ESR1: variants seen among roughly 807,000 people sequenced by gnomAD.
ESR1 encodes estrogen receptor 1, also known as estrogen receptor.
A neutral mutation model predicts 52.7 loss-of-function variants in ESR1; 12 were observed. The ratio of observed to expected loss-of-function variants is 0.23; its 90% confidence interval spans 0.15 to 0.37. ESR1 has a LOEUF of 0.37. ESR1 is among the 10% of genes least tolerant of loss of function. ESR1 has a pLI of 1.00. For synonymous variants in ESR1, 305 were observed against 316.8 expected (o/e 0.96, Z 0.39); for missense variants, 584 against 779.7 (o/e 0.75, Z 2.99).
At chr6:151,863,644 C>T (rs1424662208) in intron 2 of ESR1, among the ~76,000 whole-genome samples, 1 of 152,120 alleles carries the variant, frequency 6.6e-6, no homozygotes, top group Non-Finnish European at 1.5e-5. Context: ...TTTCTTTCTC[C>T]TGCCTAATTG....
At chr6:152,077,026 G>A (rs2048790835) in intron 6 of ESR1, among the ~76,000 whole-genome samples, 1 of 152,156 alleles carries the variant, frequency 6.6e-6, no homozygotes, top group South Asian at 2.1e-4. Flanking sequence ...CCAAGACAAT[G>A]GGGAAAATGT....
intron 3 of ESR1, among the ~76,000 whole-genome samples, chr6:151,899,697 A>C (rs1251489248): frequency 6.7e-6 from 1 of 149,810 alleles, no homozygotes; most frequent in African/African-American, 2.5e-5. Context: ...GTTGCCAGGC[A>C]GAGGGTCTCC....
Position 151,840,049 on chromosome 6 carries a change from G to A in ESR1, c.453-2548G>A, listed in dbSNP as rs9340790. 1.2e-4 allele frequency among the ~76,000 whole-genome samples: 19 copies of A among 152,246 alleles called. No homozygotes were observed. The East Asian group carries it at 2.9e-3, about 23-fold the overall frequency. On this transcript the variant is annotated intron_variant, in intron 1 of 7. Coordinates refer to ENST00000206249, the MANE Select transcript of ESR1 (RefSeq NM_000125.4). ...GACACATTGGAACTTCTGGCCATGC[G>A]TATACTGTTCACTCACTTATTCCTT... is the stretch of plus-strand genomic sequence containing the variant.
chr6:152,116,280 C>A (rs958608713), intron 6 of ESR1, among the ~76,000 whole-genome samples: 1 of 152,158 alleles, frequency 6.6e-6, no homozygotes, highest in Non-Finnish European at 1.5e-5. Flanking sequence ...TGCATATACA[C>A]GCAAGAGTGT....
chr6:151,796,678 A>T (rs925411462), intron 2 of ESR1, among the ~76,000 whole-genome samples: 2 of 152,238 alleles, frequency 1.3e-5, no homozygotes, highest in East Asian at 3.8e-4. Flanking sequence ...AACCACAATT[A>T]GTTTTGCACC....
At chr6:151,849,805 G>C (rs1785956223) in intron 2 of ESR1, among the ~76,000 whole-genome samples, 2 of 150,930 alleles carry the variant, frequency 1.3e-5, no homozygotes, top group African/African-American at 4.9e-5. Flanking sequence ...CCAGAAATGT[G>C]AAACAGTATT....
At chr6:151,865,266 A>G (rs1008108345) in intron 2 of ESR1, among the ~76,000 whole-genome samples, 5 of 152,176 alleles carry the variant, frequency 3.3e-5, no homozygotes, top group Admixed American at 1.3e-4. Context: ...AATAATGTGT[A>G]TTGGAGATCT....
intron 1 of ESR1, among the ~76,000 whole-genome samples, chr6:151,829,983 C>T (rs1398888758): frequency 1.3e-5 from 2 of 152,122 alleles, no homozygotes; most frequent in Non-Finnish European, 2.9e-5. Flanking sequence ...TAAAAATTTC[C>T]ATTTGCAATT....
intron 1 of ESR1, among the ~76,000 whole-genome samples, chr6:151,824,198 T>G (rs1275445850): frequency 6.6e-6 from 1 of 152,214 alleles, no homozygotes; most frequent in Non-Finnish European, 1.5e-5. Flanking sequence ...ATTGTGGTTT[T>G]GATTTGCATT....
intron 2 of ESR1, among the ~76,000 whole-genome samples, chr6:151,754,047 C>T (rs949137638): frequency 1.2e-4 from 19 of 152,122 alleles, no homozygotes; most frequent in Admixed American, 1.2e-3. Context: ...ATCAGAGATG[C>T]TCCCACAAAC....
chr6:152,088,657 T>C (rs1321528371), intron 6 of ESR1, among the ~76,000 whole-genome samples: 1 of 152,186 alleles, frequency 6.6e-6, no homozygotes, highest in East Asian at 1.9e-4. Flanking sequence ...CTCCTTGCCA[T>C]GTGAGCCATC....
chr6:152,109,704 AC>A (rs1010514368), intron 6 of ESR1, among the ~76,000 whole-genome samples: 30 of 152,190 alleles, frequency 2.0e-4, no homozygotes, highest in African/African-American at 5.8e-4. Flanking sequence ...AACAACAACA[AC>A]AAAAACAGTT....
chr6:152,108,946 G>A (rs1478885971), intron 6 of ESR1, among the ~76,000 whole-genome samples: 1 of 152,200 alleles, frequency 6.6e-6, no homozygotes, highest in Admixed American at 6.5e-5. Context: ...TCTGCAGGCT[G>A]TACAGGAGGC....
chr6:151,923,390 A>G (rs1490312564), intron 3 of ESR1, among the ~76,000 whole-genome samples: 1 of 152,218 alleles, frequency 6.6e-6, no homozygotes, highest in African/African-American at 2.4e-5. Context: ...TCACCATTAT[A>G]GTAATATAGT....
At chr6:151,881,813 G>A (rs769459061) in intron 3 of ESR1, among the ~76,000 whole-genome samples, 39 of 152,054 alleles carry the variant, frequency 2.6e-4, no homozygotes, top group Non-Finnish European at 5.0e-4. Context: ...AACCTGGCAG[G>A]TGGAGGGGGC....
Position 151,808,135 on chromosome 6 carries a change from C to G in ESR1, c.223C>G (p.Gln75Glu), listed in dbSNP as rs905397493. The change falls in exon 1 of 8, where the codon CAG becomes GAG. Residue 75 changes from glutamine to glutamate, a missense_variant. Gln to Glu is a conservative substitution (Grantham distance 29). This residue lies in a region of ESR1 where 251 missense variants were observed against 246.1 expected (regional missense o/e 1.02). Transcript: ENST00000206249. Reference sequence around the variant, plus strand: ...CGCCGCCAACGCGCAGGTCTACGGTCAGACCGGCCTCCCCTACGGCCCCGG... The same window carrying G: ...CGCCGCCAACGCGCAGGTCTACGGTGAGACCGGCCTCCCCTACGGCCCCGG... ...AAAANAQVYGQTGLPYGPGSE... is the reference protein window; with the variant it reads ...AAAANAQVYGETGLPYGPGSE... The G allele has an allele frequency of 1.9e-6, 3 of 1,607,102 alleles. No homozygotes were observed. In the African/African-American group the frequency reaches 4.0e-5, roughly 21 times the overall value.
intron 2 of ESR1, among the ~76,000 whole-genome samples, chr6:151,865,036 A>G (rs546938994): frequency 4.9e-3 from 747 of 152,140 alleles, no homozygotes; most frequent in African/African-American, 0.016. Flanking sequence ...ATGTATACAT[A>G]TGTAACAAAC....
At chr6:151,868,671 G>T (rs1389148396) in intron 2 of ESR1, among the ~76,000 whole-genome samples, 2 of 152,052 alleles carry the variant, frequency 1.3e-5, no homozygotes, top group Non-Finnish European at 1.5e-5. Context: ...AGTATTCCGT[G>T]GTGTAGATAT....
At chr6:152,021,723 C>T (rs2043669572) in intron 5 of ESR1, among the ~76,000 whole-genome samples, 1 of 152,086 alleles carries the variant, frequency 6.6e-6, no homozygotes, top group African/African-American at 2.4e-5. Flanking sequence ...TTTTAGCCTC[C>T]CATACTTCCC....
Sources: gnomAD v4.1 joint callset for allele counts (sites outside exome capture counted in the v4.1 genomes callset) on GRCh38, gnomAD v4.1.1 for gene constraint, gnomAD v4.1.1 regional missense constraint, MANE v1.5 for transcripts, NCBI Gene and HGNC (gene_info 2026-07-23, HGNC 2026-07-21) for gene names.